The following NPSR1 variants were observed in gnomAD, a reference collection of about 807,000 sequenced individuals.
NPSR1 encodes the protein neuropeptide S receptor 1.
Under a neutral mutation model 46.9 loss-of-function variants are expected in NPSR1, and 48 were observed. The ratio of observed to expected loss-of-function variants is 1.02; its 90% CI spans 0.81 to 1.30. The LOEUF (loss-of-function observed/expected upper bound fraction) is 1.30, where lower values mean the gene tolerates loss of function less well. Among genes scored for constraint, NPSR1 ranks in the 50% most tolerant of loss-of-function variants. The probability of loss-of-function intolerance (pLI) is 0.00; values close to 1 mark genes in which losing one functional copy is unlikely to be tolerated. For synonymous variants in NPSR1, 176 were observed against 168.1 expected (o/e 1.05, Z -0.36); for missense variants, 450 against 449.5 (o/e 1.00, Z -0.01).
chr7:34,787,889 C>A (rs142931351), intron 3 of NPSR1, among the ~76,000 whole-genome samples: 1 of 151,786 alleles, frequency 6.6e-6, no homozygotes, highest in South Asian at 2.1e-4. Context: ...CCTTAATGGA[C>A]GTAATAATAA....
intron 3 of NPSR1, among the ~76,000 whole-genome samples, chr7:34,790,799 AGGT>A: frequency 8.5e-6 from 1 of 117,104 alleles, no homozygotes; most frequent in Non-Finnish European, 1.7e-5. Context: ...TATATGTTAT[AGGT>A]TATATGTTAT....
intron 2 of NPSR1, among the ~76,000 whole-genome samples, chr7:34,700,703 G>T (rs2128695631): frequency 6.6e-6 from 1 of 152,252 alleles, no homozygotes; most frequent in Non-Finnish European, 1.5e-5. Context: ...ATGTTATTCA[G>T]ACATGAGTTT....
At chr7:34,695,887 A>G (rs547897702) in intron 2 of NPSR1, among the ~76,000 whole-genome samples, 18 of 152,240 alleles carry the variant, frequency 1.2e-4, no homozygotes, top group Non-Finnish European at 2.1e-4. Context: ...TATAGAAAAC[A>G]GTATAGAGAT....
At chr7:34,790,770 A>ATATATGT (rs1470308853) in intron 3 of NPSR1, among the ~76,000 whole-genome samples, 1 of 113,640 alleles carries the variant, frequency 8.8e-6, no homozygotes, top group Non-Finnish European at 1.8e-5. Context: ...GTTATATATA[A>ATATATGT]TATATGTTAT....
intron 2 of NPSR1, among the ~76,000 whole-genome samples, chr7:34,748,356 C>T (rs1295612157): frequency 6.6e-6 from 1 of 152,314 alleles, no homozygotes; most frequent in Non-Finnish European, 1.5e-5. Flanking sequence ...ACCATCACAG[C>T]CACTTCACAC....
At chr7:34,845,808 CGAATGAAT>C (rs748560161) in intron 7 of NPSR1, among the ~76,000 whole-genome samples, 21 of 151,990 alleles carry the variant, frequency 1.4e-4, no homozygotes, top group Admixed American at 1.0e-3. Flanking sequence ...TAACATTTGT[CGAATGAAT>C]GAATGAATGA....
At chr7:34,750,128 A>ACTT in intron 2 of NPSR1, 1 of 241,110 alleles carries the variant, frequency 4.1e-6, no homozygotes, top group Non-Finnish European at 7.9e-6. Context: ...TCGTGTATGT[A>ACTT]TTTTTTTTTT....
intron 2 of NPSR1, among the ~76,000 whole-genome samples, chr7:34,706,582 T>G (rs1467911427): frequency 6.6e-6 from 1 of 152,188 alleles, no homozygotes; most frequent in African/African-American, 2.4e-5. Context: ...CTTTGTATTA[T>G]CTGGTGCCTT....
At chr7:34,680,358 A>C (rs1337546634) in intron 1 of NPSR1, among the ~76,000 whole-genome samples, 1 of 152,202 alleles carries the variant, frequency 6.6e-6, no homozygotes, top group African/African-American at 2.4e-5. Flanking sequence ...ACCCAGTTAG[A>C]GAAATACAAT....
At chr7:34,663,229 G>A (rs1791563896) in intron 1 of NPSR1, among the ~76,000 whole-genome samples, 1 of 151,936 alleles carries the variant, frequency 6.6e-6, no homozygotes, top group African/African-American at 2.4e-5. Context: ...ACTTTCATCT[G>A]GGTTCCCATC....
chr7:34,662,751 T>C (rs1301736658), intron 1 of NPSR1, among the ~76,000 whole-genome samples: 1 of 152,166 alleles, frequency 6.6e-6, no homozygotes, highest in Non-Finnish European at 1.5e-5. Flanking sequence ...TTCCAATCCC[T>C]GACCCTGGGT....
chr7:34,858,736 A>G (rs1341074638), intron 8 of NPSR1, among the ~76,000 whole-genome samples: 1 of 151,750 alleles, frequency 6.6e-6, no homozygotes, highest in South Asian at 2.1e-4. Context: ...TAAAACCATC[A>G]GATCTCGTAA....
At chr7:34,694,687 T>TTA (rs1233384882) in intron 2 of NPSR1, among the ~76,000 whole-genome samples, 2 of 152,196 alleles carry the variant, frequency 1.3e-5, no homozygotes, top group Admixed American at 1.3e-4. Flanking sequence ...ATATAGAATT[T>TTA]TAAAAGACCC....
chr7:34,805,502 CTT>C (rs1373651770), intron 3 of NPSR1, among the ~76,000 whole-genome samples: 4 of 89,974 alleles, frequency 4.4e-5, no homozygotes, highest in South Asian at 7.0e-4. Context: ...AAAAAAAAAA[CTT>C]AATGTAGACC....
At chr7:34,842,258 A>G (rs1184190930) in intron 6 of NPSR1, among the ~76,000 whole-genome samples, 1 of 152,246 alleles carries the variant, frequency 6.6e-6, no homozygotes, top group African/African-American at 2.4e-5. Flanking sequence ...ACAAAGTTTT[A>G]GTAATTGGTA....
chr7:34,710,582 G>A (rs989676456), intron 2 of NPSR1, among the ~76,000 whole-genome samples: 1 of 152,264 alleles, frequency 6.6e-6, no homozygotes, highest in Admixed American at 6.5e-5. Flanking sequence ...CTAGAAAACA[G>A]GATGCCTAGA....
intron 4 of NPSR1, among the ~76,000 whole-genome samples, chr7:34,821,723 T>C (rs965626960): frequency 3.9e-5 from 6 of 152,192 alleles, no homozygotes; most frequent in African/African-American, 1.4e-4. Context: ...AGACACTGTG[T>C]AATATCATCA....
rs746759160 is a variant in NPSR1, at chr7:34,827,575, T to C, written c.653T>C (p.Val218Ala). ...TPYMTIVAFL[V>A]YFIPLTIISI... ...TACATGACCATCGTGGCCTTCCTGGTGTACTTCATCCCTCTGACAATCATC... is the reference window on the plus strand; with the variant it reads ...TACATGACCATCGTGGCCTTCCTGGCGTACTTCATCCCTCTGACAATCATC... The change falls in exon 5 of 9, where the codon GTG (valine) becomes GCG (alanine). Residue 218 changes from valine (V) to alanine (A), a missense_variant. Val to Ala is a moderately conservative substitution (Grantham distance 64). Transcript: ENST00000360581. The C allele has an allele frequency of 1.3e-5, 21 of 1,561,732 alleles. No homozygotes were observed. The Admixed American group carries it at 3.6e-4, about 27-fold the overall frequency.
intron 2 of NPSR1, among the ~76,000 whole-genome samples, chr7:34,722,958 C>T (rs1183296483): frequency 2.0e-5 from 3 of 152,142 alleles, no homozygotes; most frequent in African/African-American, 4.8e-5. Flanking sequence ...AAGTGAGTGT[C>T]CCATTATTTG....
Sources: allele counts gnomAD v4.1 joint callset (sites outside exome capture counted in the v4.1 genomes callset), GRCh38; gene constraint gnomAD v4.1.1; transcripts MANE v1.5; gene names NCBI Gene and HGNC (gene_info 2026-07-23, HGNC 2026-07-21).